The following BCL6 variants were observed in gnomAD, a reference collection of about 807,000 sequenced individuals.
BCL6 encodes B-cell lymphoma 6 protein.
A neutral mutation model predicts 59.5 loss-of-function variants in BCL6; 7 were observed. That is an observed-to-expected ratio of 0.12 (90% CI 0.07 to 0.22). BCL6 has a LOEUF of 0.22. Ranked by LOEUF, BCL6 falls within the 10% of genes least tolerant of loss-of-function variation. The probability of loss-of-function intolerance (pLI) is 1.00; values close to 1 mark genes in which losing one functional copy is unlikely to be tolerated. For missense variants in BCL6, 685 were observed against 939.4 expected (o/e 0.73, Z 3.54); for synonymous variants, 339 against 349.7 (o/e 0.97, Z 0.34).
rs531354100 is a variant in BCL6, at chr3:187,734,103, C to T, written c.-10-400G>A. ...TCACCCAGGCTGAAGTGCAATAGTG[C>T]AATCTCAGCTCACTGCAAGTCCGCC... On this transcript the variant is annotated intron_variant, in intron 2 of 9. Coordinates refer to ENST00000406870, the MANE Select transcript of BCL6 (RefSeq NM_001706.5). Among the ~76,000 whole-genome samples, 7 of 92,466 alleles carry T rather than the reference C, an allele frequency of 7.6e-5. No homozygotes were observed. The South Asian group carries it at 3.2e-3, about 42-fold the overall frequency. The allele number at this position is 92,466 out of a possible 152,430, so 60.7% of individuals were successfully genotyped here.
chr3:187,737,372 AGAGAGAGAG>A (rs1719333724), intron 1 of BCL6: 6 of 146,290 alleles, frequency 4.1e-5, no homozygotes, highest in African/African-American at 1.3e-4. Flanking sequence ...AGAGAGAGAG[AGAGAGAGAG>A]AGAGAGAGAG....
intron 1 of BCL6, among the ~76,000 whole-genome samples, chr3:187,743,762 G>C (rs1711717827): frequency 9.3e-6 from 1 of 108,010 alleles, no homozygotes; most frequent in Non-Finnish European, 1.8e-5. Context: ...CCGGAGCTCA[G>C]CCGATTTCTG....
At chr3:187,727,014 T>C in intron 6 of BCL6, 116 bp from the exon 7 acceptor site, 2 of 1,179,206 alleles carry the variant, frequency 1.7e-6, no homozygotes. Context: ...AGTCCCTCAC[T>C]CACCCACCCG....
chr3:187,730,594 G>A (rs979452920), intron 4 of BCL6, among the ~76,000 whole-genome samples: 2 of 152,178 alleles, frequency 1.3e-5, no homozygotes, highest in African/African-American at 4.8e-5. Context: ...TGAATCCCTG[G>A]TCTAGAGCAG....
intron 1 of BCL6, chr3:187,737,542 G>A (rs1719348654): frequency 6.6e-6 from 1 of 152,516 alleles, no homozygotes; most frequent in Non-Finnish European, 1.5e-5. Context: ...CACCAGCCCT[G>A]CGCGCCGGGG....
chr3:187,744,855 A>G (rs553250730), intron 1 of BCL6, among the ~76,000 whole-genome samples: 3 of 152,226 alleles, frequency 2.0e-5, no homozygotes, highest in East Asian at 1.9e-4. Flanking sequence ...GAAAAAACAC[A>G]GCCGCACGAA....
intron 1 of BCL6, among the ~76,000 whole-genome samples, chr3:187,744,907 A>G (rs1711839368): frequency 2.0e-5 from 3 of 152,256 alleles, no homozygotes; most frequent in East Asian, 1.9e-4. Flanking sequence ...CAGCAGAAAG[A>G]GCGAGAGCGC....
intron 1 of BCL6, among the ~76,000 whole-genome samples, chr3:187,735,926 G>A (rs2108474328): frequency 6.6e-6 from 1 of 152,198 alleles, no homozygotes; most frequent in South Asian, 2.1e-4. Flanking sequence ...GTACATGGTT[G>A]GTGACCCGGC....
chr3:187,728,268 AG>A, intron 6 of BCL6, 91 bp downstream of exon 6: 4 of 1,292,386 alleles, frequency 3.1e-6, no homozygotes, highest in Non-Finnish European at 4.2e-6. Flanking sequence ...CTCCAATCAG[AG>A]ACAACAGCAT....
chr3:187,745,080 G>A (rs1046233683), intron 1 of BCL6, among the ~76,000 whole-genome samples: 1 of 151,982 alleles, frequency 6.6e-6, no homozygotes, highest in African/African-American at 2.4e-5. Flanking sequence ...AGGGAGGGTG[G>A]CAAAAGCCTC....
chr3:187,727,740 G>A (rs558511336), intron 6 of BCL6, among the ~76,000 whole-genome samples: 15 of 152,272 alleles, frequency 9.9e-5, no homozygotes, highest in South Asian at 6.2e-4. Flanking sequence ...GAGAAGTCAC[G>A]GTGATTTTAC....
At chr3:187,739,342 G>A (rs964084688) in intron 1 of BCL6, among the ~76,000 whole-genome samples, 2 of 152,236 alleles carry the variant, frequency 1.3e-5, no homozygotes, top group African/African-American at 4.8e-5. Context: ...TAGCTGCACG[G>A]CTGCAGACAC....
chr3:187,725,361 C>A lies in BCL6; in HGVS notation c.1839+138G>T. On this transcript the variant is annotated intron_variant, in intron 8 of 9. Transcript: ENST00000406870. This position sits in a 1 kb window ranked among gnomAD's most constrained non-coding sequence, Gnocchi z 4.7. ...GGGACTGAGTGGGACTTTCTCCTGC[C>A]CGCTCTGCTCACCTGCCCGCTCCGC... is the stretch of plus-strand genomic sequence containing the variant. 4 of 1,494,488 alleles carry A rather than the reference C, an allele frequency of 2.7e-6. No homozygotes were observed. The highest frequency in any genetic ancestry group is 3.6e-6 in the Non-Finnish European group (4 of 1,117,060). The allele number at this position is 1,494,488 out of a possible 1,614,324, so 92.6% of individuals were successfully genotyped here. A position where few individuals can be genotyped will look rare whatever the true frequency, so the allele number is the denominator to read the frequency against.
At chr3:187,726,701 G>T in intron 7 of BCL6, 30 bp downstream of exon 7, 1 of 1,608,494 alleles carries the variant, frequency 6.2e-7, no homozygotes. Flanking sequence ...TAATTGTGGA[G>T]AGTTCGGGTC....
chr3:187,745,356 AGCG>A (rs1000083045), intron 1 of BCL6, 51 bp downstream of exon 1: 20 of 401,474 alleles, frequency 5.0e-5, no homozygotes, highest in South Asian at 1.2e-4. Flanking sequence ...CAGCGGCAAC[AGCG>A]GCGGCGGCGG....
intron 1 of BCL6, among the ~76,000 whole-genome samples, chr3:187,744,323 C>T (rs556682784): frequency 2.0e-5 from 3 of 151,752 alleles, no homozygotes; most frequent in South Asian, 2.1e-4. Context: ...CACCCCTTTC[C>T]CACCCACCCC....
In BCL6 at chr3:187,721,767, A is replaced by T. The variant is rs572053706; in HGVS notation, c.*691T>A. The stretch of plus-strand genomic sequence containing the variant: ...ATTGTAAACCTTCACTTGCAAAAAA[A>T]TACAAATACACTGAGGCATTTTAGA... On this transcript the variant is annotated 3_prime_UTR_variant, in exon 10 of 10. Transcript: ENST00000406870. The surrounding 1 kb of genome is among the most constrained non-coding windows in gnomAD (Gnocchi z 4.2). The T allele has an allele frequency of 8.6e-6, 2 of 231,818 alleles. No individual in the cohort carries two copies. The highest frequency in any genetic ancestry group is 4.4e-5 in the African/African-American group (2 of 45,240). 14.4% of individuals were successfully genotyped at this position (231,818 alleles called of 1,614,324 possible).
intron 1 of BCL6, among the ~76,000 whole-genome samples, chr3:187,745,197 A>G (rs1283125428): frequency 3.9e-5 from 6 of 152,314 alleles, no homozygotes; most frequent in South Asian, 2.1e-4. Context: ...CATTTATTTT[A>G]ACACCTGACA....
chr3:187,744,541 A>C (rs575115987), intron 1 of BCL6, among the ~76,000 whole-genome samples: 3 of 152,310 alleles, frequency 2.0e-5, no homozygotes, highest in South Asian at 2.1e-4. Context: ...AGGAAATAGT[A>C]GACACGATAC....
Sources: allele counts gnomAD v4.1 joint callset (sites outside exome capture counted in the v4.1 genomes callset), GRCh38; gene constraint gnomAD v4.1.1; non-coding constraint Gnocchi (gnomAD v3.1); transcripts MANE v1.5; gene names NCBI Gene and HGNC (gene_info 2026-07-23, HGNC 2026-07-21).